ANKS1B: variants seen among roughly 807,000 people sequenced by gnomAD.
The protein encoded by ANKS1B is ankyrin repeat and sterile alpha motif domain-containing protein 1B.
ANKS1B carries 36 observed loss-of-function variants against 148.3 expected under a neutral mutation model. The ratio of observed to expected loss-of-function variants is 0.24; its 90% confidence interval spans 0.19 to 0.32. ANKS1B has a LOEUF of 0.32. Ranked by LOEUF, ANKS1B falls within the 10% of genes least tolerant of loss-of-function variation. The pLI is 1.00. For missense variants in ANKS1B, 1,157 were observed against 1,542.6 expected (o/e 0.75, Z 4.19); for synonymous variants, 542 against 560.8 (o/e 0.97, Z 0.47).
Position 99,408,029 on chromosome 12 carries a change from C to A in ANKS1B, c.1576-8218G>T, listed in dbSNP as rs1043077708. Among the ~76,000 whole-genome samples the A allele has an allele frequency of 2.1e-5, 3 of 145,574 alleles. 1 individual carries two copies. Among genetic ancestry groups the A allele is most frequent in the African/African-American group, 7.8e-5 (3 of 38,466 alleles). ...AATGTATATGGAACCAAAAAAGACC[C>A]AGAAGAGAATAAGCCATCATGAGCA... On this transcript the variant is annotated intron_variant, in intron 11 of 26. Transcript: ENST00000683438.
chr12:98,771,542 C>T (rs1257192441), intron 25 of ANKS1B, among the ~76,000 whole-genome samples: 1 of 152,074 alleles, frequency 6.6e-6, no homozygotes, highest in African/African-American at 2.4e-5. Context: ...GGTGTGATCA[C>T]AGCTTACTGC....
chr12:99,550,024 T>G (rs909386657), intron 9 of ANKS1B, among the ~76,000 whole-genome samples: 2 of 152,212 alleles, frequency 1.3e-5, no homozygotes, highest in Admixed American at 1.3e-4. Context: ...TGGTATCCCC[T>G]TCTGCAGGTC....
intron 19 of ANKS1B, among the ~76,000 whole-genome samples, chr12:98,826,838 A>G (rs193219980): frequency 2.8e-4 from 43 of 152,342 alleles, no homozygotes; most frequent in South Asian, 1.7e-3. Flanking sequence ...TGCTAATTCA[A>G]GTCTTTAGGA....
intron 12 of ANKS1B, among the ~76,000 whole-genome samples, chr12:99,334,749 T>C (rs879907703): frequency 2.6e-5 from 4 of 152,132 alleles, no homozygotes; most frequent in Admixed American, 2.6e-4. Context: ...TCAATTATTT[T>C]ATGAGCAACT....
chr12:99,831,718 GT>G (rs1555205126), intron 1 of ANKS1B, among the ~76,000 whole-genome samples: 276 of 143,414 alleles, frequency 1.9e-3, no homozygotes, highest in Middle Eastern at 3.6e-3. Flanking sequence ...ACTGATCAGG[GT>G]TTTTTTTTTT....
rs771185731 is a variant in ANKS1B, at chr12:98,745,696, G to A, written c.*43C>T. 32 of 1,606,292 alleles carry A rather than the reference G, an allele frequency of 2.0e-5. No homozygotes were observed. In the East Asian group the frequency reaches 2.2e-4, roughly 11 times the overall value. Reference sequence around the variant, plus strand: ...GCGAAGGAAAGCCTGCTCCGGGACCGCTTGGCGAGCAAGGCACCGCGAGGA... The same window carrying A: ...GCGAAGGAAAGCCTGCTCCGGGACCACTTGGCGAGCAAGGCACCGCGAGGA... On this transcript the variant is annotated 3_prime_UTR_variant, in exon 27 of 27. Coordinates refer to ENST00000683438, the MANE Select transcript of ANKS1B (RefSeq NM_001352186.2).
chr12:99,188,208 A>G (rs2080148330), intron 14 of ANKS1B, among the ~76,000 whole-genome samples: 2 of 152,162 alleles, frequency 1.3e-5, no homozygotes, highest in Admixed American at 6.5e-5. Flanking sequence ...GTTCTTAGAG[A>G]CCTACAAAGA....
At chr12:99,028,556 G>A (rs2099950162) in intron 17 of ANKS1B, among the ~76,000 whole-genome samples, 1 of 152,156 alleles carries the variant, frequency 6.6e-6, no homozygotes, top group South Asian at 2.1e-4. Context: ...TGAGACCACA[G>A]GTTAGAGAGA....
rs1210549752 is a variant in ANKS1B, at chr12:99,704,580, ACAC to A, written c.1129-49373_1129-49371del. Among the ~76,000 whole-genome samples, 9 of 152,164 alleles carry A rather than the reference ACAC, an allele frequency of 5.9e-5. No homozygotes were observed. In the East Asian group the frequency reaches 1.7e-3, roughly 29 times the overall value. ...TGCATACACATACATATACACACAC[ACAC>A]ACACAAACTCTCTAATGAAAACTGT... On this transcript the variant is annotated intron_variant, in intron 8 of 26. Transcript: ENST00000683438.
At chr12:99,757,630 A>G (rs2061692077) in intron 8 of ANKS1B, among the ~76,000 whole-genome samples, 1 of 151,962 alleles carries the variant, frequency 6.6e-6, no homozygotes, top group Non-Finnish European at 1.5e-5. Context: ...TATAAAGACG[A>G]ATGCACACAT....
chr12:99,600,460 G>A (rs1041793643), intron 9 of ANKS1B, among the ~76,000 whole-genome samples: 8 of 151,860 alleles, frequency 5.3e-5, no homozygotes, highest in African/African-American at 1.5e-4. Flanking sequence ...GAGACCACAG[G>A]GTACACTAAA....
intron 17 of ANKS1B, among the ~76,000 whole-genome samples, chr12:98,967,810 T>C (rs2099879828): frequency 6.7e-6 from 1 of 148,754 alleles, no homozygotes; most frequent in Non-Finnish European, 1.5e-5. Flanking sequence ...AATCATACAG[T>C]CCTTTATCAA....
At chr12:99,559,946 A>C (rs984976912) in intron 9 of ANKS1B, among the ~76,000 whole-genome samples, 1 of 152,342 alleles carries the variant, frequency 6.6e-6, no homozygotes, top group East Asian at 1.9e-4. Context: ...AGTAAGACCT[A>C]AAATAATTGT....
At chr12:99,188,223 TA>T (rs1325652320) in intron 14 of ANKS1B, among the ~76,000 whole-genome samples, 5 of 152,166 alleles carry the variant, frequency 3.3e-5, no homozygotes, top group African/African-American at 1.2e-4. Flanking sequence ...CAAAGAGACT[TA>T]GACTCCCACA....
At chr12:99,526,022 C>A (rs1421053782) in intron 9 of ANKS1B, among the ~76,000 whole-genome samples, 1 of 151,814 alleles carries the variant, frequency 6.6e-6, no homozygotes, top group African/African-American at 2.4e-5. Context: ...AGATTACAGG[C>A]AGTTGTAAAA....
chr12:99,367,138 G>A (rs2092812004), intron 12 of ANKS1B, among the ~76,000 whole-genome samples: 1 of 152,126 alleles, frequency 6.6e-6, no homozygotes, highest in South Asian at 2.1e-4. Context: ...CGTGGGGAGA[G>A]GAGTGAGGAG....
chr12:99,912,916 A>G (rs922543407), intron 1 of ANKS1B, among the ~76,000 whole-genome samples: 1 of 152,204 alleles, frequency 6.6e-6, no homozygotes, highest in South Asian at 2.1e-4. Flanking sequence ...GGTATTGAAA[A>G]GAAATTAAAT....
chr12:98,886,876 G>A (rs189981019), intron 17 of ANKS1B, among the ~76,000 whole-genome samples: 4 of 152,204 alleles, frequency 2.6e-5, no homozygotes, highest in African/African-American at 9.6e-5. Flanking sequence ...ATAGGAAGAC[G>A]TTCTCCAAAA....
intron 17 of ANKS1B, among the ~76,000 whole-genome samples, chr12:99,043,210 C>G (rs1231652962): frequency 6.6e-6 from 1 of 152,092 alleles, no homozygotes; most frequent in African/African-American, 2.4e-5. Context: ...AAAATACTCT[C>G]CTAGAGAATA....
Sources: allele counts gnomAD v4.1 joint callset (sites outside exome capture counted in the v4.1 genomes callset), GRCh38; gene constraint gnomAD v4.1.1; transcripts MANE v1.5; gene names NCBI Gene and HGNC (gene_info 2026-07-23, HGNC 2026-07-21).